CHAC1: variants seen among roughly 807,000 people sequenced by gnomAD.
The protein encoded by CHAC1 is glutathione-specific gamma-glutamylcyclotransferase 1.
CHAC1 carries 22 observed loss-of-function variants against 22.1 expected under a neutral mutation model. The ratio of observed to expected loss-of-function variants is 1.00; its 90% CI spans 0.71 to 1.42. CHAC1 has a LOEUF of 1.42. CHAC1 is among the 40% of genes most tolerant of loss of function. The probability of loss-of-function intolerance (pLI) is 0.00; values close to 1 mark genes in which losing one functional copy is unlikely to be tolerated. For synonymous variants in CHAC1, 145 were observed against 128.7 expected (o/e 1.13, Z -0.86); for missense variants, 272 against 299.2 (o/e 0.91, Z 0.67).
In CHAC1 at chr15:40,953,709, G is replaced by A. The variant is rs1893160610; in HGVS notation, c.126G>A (p.Val42=). ...GGATTTTCGGGTACGGCTCCCTGGT[G>A]TGGAGGCCCGACTTCGCCTACAGCG... ...ALWIFGYGSL[V]WRPDFAYSDS... Residue 42 remains valine, a synonymous_variant, in exon 1 of 3, where the codon GTG becomes GTA. Coordinates refer to ENST00000617768, the MANE Select transcript of CHAC1 (RefSeq NM_024111.6). The A allele has an allele frequency of 6.2e-7, 1 of 1,605,958 alleles. No individual in the cohort carries two copies. Among genetic ancestry groups the A allele is most frequent in the Non-Finnish European group, 8.5e-7 (1 of 1,179,980 alleles).
At position 40,954,218 on chromosome 15, in the gene CHAC1, C is replaced by T; in HGVS notation, c.232-10C>T. On this transcript the variant is annotated splice_polypyrimidine_tract_variant and intron_variant, in intron 1 of 2. Transcript: ENST00000617768. ...ACTTGTCTATTTCAAAATATTTCTT[C>T]CCTCCCTAGCCTGGCCGTGTGGTGA... The T allele has an allele frequency of 6.2e-7, 1 of 1,613,920 alleles. No homozygotes were observed. Among genetic ancestry groups the T allele is most frequent in the Middle Eastern group, 1.7e-4 (1 of 6,028 alleles).
In CHAC1 at chr15:40,955,688, G is replaced by A. The variant is rs1158411342; in HGVS notation, c.583G>A (p.Asp195Asn). ...FMQLCGPQAQ[D>N]EHLAAIVDAV... ...GCAGCTCTGTGGGCCTCAGGCGCAG[G>A]ACGAGCACCTGGCAGCCATCGTGGA... Residue 195 changes from aspartate (D) to asparagine (N), a missense_variant, in exon 3 of 3, where the codon GAC becomes AAC. Physicochemically the swap from Asp to Asn is conservative, Grantham distance 23. Transcript: ENST00000617768. The A allele has an allele frequency of 1.2e-6, 2 of 1,609,852 alleles. No homozygotes were observed. The highest frequency in any genetic ancestry group is 1.1e-5 in the South Asian group (1 of 91,092).
rs1200401766 is a variant in CHAC1 at position 40,956,273 on chromosome 15, TCTC to T, written c.*504_*506del. 6.4e-6 allele frequency: 1 copy of T among 156,400 alleles called. No homozygotes were observed. Among genetic ancestry groups the T allele is most frequent in the South Asian group, 1.9e-4 (1 of 5,134 alleles). The allele number at this position is 156,400 out of a possible 1,614,324, so 9.7% of individuals were successfully genotyped here. On this transcript the variant is annotated 3_prime_UTR_variant, in exon 3 of 3. Coordinates refer to ENST00000617768, the MANE Select transcript of CHAC1 (RefSeq NM_024111.6). The stretch of plus-strand genomic sequence containing the variant: ...AAGGACTGAGGCCCCGGCCAGCCCT[TCTC>T]CTCCACCAGTTCCCCAGAGCAGAGC...
intron 2 of CHAC1, 80 bp downstream of exon 2, chr15:40,954,343 G>T (rs950505701): frequency 4.9e-6 from 7 of 1,430,048 alleles, no homozygotes; most frequent in Admixed American, 1.7e-5. Context: ...GCTCTTGGCT[G>T]CAGGCTAGCT....
Position 40,953,489 on chromosome 15 carries a change from G to A in CHAC1, c.-95G>A, listed in dbSNP as rs779419573. The A allele has an allele frequency of 1.3e-6, 2 of 1,550,412 alleles. No individual in the cohort carries two copies. Among genetic ancestry groups the A allele is most frequent in the South Asian group, 2.4e-5 (2 of 84,648 alleles). ...GGCGCTCAGCTGGAGCTACCGAGCGGTGCCAGGCCAGGTGTGTGCGTCCGT... is the reference window on the plus strand; with the variant it reads ...GGCGCTCAGCTGGAGCTACCGAGCGATGCCAGGCCAGGTGTGTGCGTCCGT... On this transcript the variant is annotated 5_prime_UTR_variant, in exon 1 of 3. It adds an upstream start codon to the 5' untranslated region. Transcript: ENST00000617768.
chr15:40,954,191 T>C (rs749958792), intron 1 of CHAC1, 37 bp from the exon 2 acceptor site: 4 of 1,611,858 alleles, frequency 2.5e-6, no homozygotes, highest in Non-Finnish European at 3.4e-6. Context: ...AGCTGATTTC[T>C]AACTTGTCTA....
At chr15:40,954,069 T>G (rs527273943) in intron 1 of CHAC1, 159 bp from the exon 2 acceptor site, 3 of 764,832 alleles carry the variant, frequency 3.9e-6, no homozygotes, top group Non-Finnish European at 6.6e-6. Flanking sequence ...TTCTCCTACA[T>G]CCGTGCATCG....
chr15:40,953,762 A>T lies in CHAC1; in HGVS notation c.179A>T (p.Tyr60Phe). 6.3e-7 allele frequency: 1 copy of T among 1,599,854 alleles called. No individual in the cohort carries two copies. The highest frequency in any genetic ancestry group is 8.5e-7 in the Non-Finnish European group (1 of 1,179,420). ...AGCCGTGTGGGCTTCGTGCGCGGCT[A>T]CAGCCGCCGTTTCTGGCAGGGAGAC... ...SDSRVGFVRG[Y>F]SRRFWQGDTF... The change falls in exon 1 of 3, where the codon TAC becomes TTC. Residue 60 changes from tyrosine (Y) to phenylalanine (F), a missense_variant. Coordinates refer to ENST00000617768, the MANE Select transcript of CHAC1 (RefSeq NM_024111.6).
At chr15:40,953,917 T>A (rs1443764908) in intron 1 of CHAC1, 103 bp downstream of exon 1, 10 of 849,204 alleles carry the variant, frequency 1.2e-5, no homozygotes, top group African/African-American at 3.4e-5. Flanking sequence ...TAGAAAGAAA[T>A]GTGTAAACCT....
Position 40,954,272 on chromosome 15 carries a change from C to G in CHAC1, c.267+9C>G, listed in dbSNP as rs753016257. The G allele has an allele frequency of 6.2e-7, 1 of 1,613,934 alleles. No homozygotes were observed. The highest frequency in any genetic ancestry group is 8.5e-7 in the Non-Finnish European group (1 of 1,179,958). On this transcript the variant is annotated intron_variant, in intron 2 of 2. Coordinates refer to ENST00000617768, the MANE Select transcript of CHAC1 (RefSeq NM_024111.6). ...TCCTTGAAGATCATGAGGTAAGTGC[C>G]CGAATCATGAAGGGGAACCCTGGCC...
chr15:40,954,301 T>C (rs963100004), intron 2 of CHAC1, 38 bp downstream of exon 2: 1 of 1,608,728 alleles, frequency 6.2e-7, no homozygotes, highest in Non-Finnish European at 8.5e-7. Flanking sequence ...CCTGGCCCAG[T>C]GTGAAGGGGG....
At chr15:40,955,185 G>A (rs2412576) in intron 2 of CHAC1, among the ~76,000 whole-genome samples, 188 bp from the exon 3 acceptor site, 134,698 of 152,236 alleles carry the variant, frequency 0.88, 61,098 homozygotes, top group Non-Finnish European at 0.98. Flanking sequence ...GAGCCACCAC[G>A]CCTGGCCTTT....
intron 2 of CHAC1, 120 bp from the exon 3 acceptor site, chr15:40,955,253 T>A (rs1207394634): frequency 9.2e-7 from 1 of 1,081,482 alleles, no homozygotes; most frequent in East Asian, 2.4e-5. Context: ...AGATGGCTCA[T>A]CAGCCGACCA....
Position 40,955,615 on chromosome 15 carries a change from C to G in CHAC1, c.510C>G (p.Gly170=). Residue 170 remains glycine (G), a synonymous_variant, in exon 3 of 3, where the codon GGC becomes GGG. Transcript: ENST00000617768. Reference sequence around the variant, plus strand: ...CCACGCAGATCCTGGCCTGCCGGGGCTTCTCCGGCCACAACCTTGAATACT... The same window carrying G: ...CCACGCAGATCCTGGCCTGCCGGGGGTTCTCCGGCCACAACCTTGAATACT... ...AIATQILACR[G]FSGHNLEYLL... 2.5e-6 allele frequency: 4 copies of G among 1,613,884 alleles called. No homozygotes were observed. The highest frequency in any genetic ancestry group is 3.4e-6 in the Non-Finnish European group (4 of 1,180,024).
Position 40,955,765 on chromosome 15 carries a change from G to T in CHAC1, c.660G>T (p.Ala220=). 2 of 1,593,898 alleles carry T rather than the reference G, an allele frequency of 1.3e-6. No homozygotes were observed. Among genetic ancestry groups the T allele is most frequent in the Non-Finnish European group, 1.7e-6 (2 of 1,175,824 alleles). ...TCTGCCCCACCGAGCAGGCTCTGGC[G>T]CTGGTGTGAGGGGCTGAGCCCCTGC... ...PCFCPTEQAL[A]LV Residue 220 remains alanine, a synonymous_variant, in exon 3 of 3, where the codon GCG becomes GCT. Coordinates refer to ENST00000617768, the MANE Select transcript of CHAC1 (RefSeq NM_024111.6).
intron 2 of CHAC1, among the ~76,000 whole-genome samples, chr15:40,954,586 TTG>T (rs1311331769): frequency 6.8e-6 from 1 of 146,830 alleles, no homozygotes; most frequent in Non-Finnish European, 1.5e-5. Context: ...TTTTTTTTTT[TTG>T]TTGTTGTTGT....
intron 1 of CHAC1, 89 bp downstream of exon 1, chr15:40,953,903 C>T: frequency 2.0e-6 from 2 of 1,014,008 alleles, no homozygotes; most frequent in East Asian, 2.5e-5. Flanking sequence ...GCTCTCTGGG[C>T]CAATAGAAAG....
chr15:40,954,950 G>A (rs1391604912), intron 2 of CHAC1, among the ~76,000 whole-genome samples: 2 of 139,074 alleles, frequency 1.4e-5, no homozygotes, highest in African/African-American at 5.4e-5. Flanking sequence ...TCTTACCCTT[G>A]TCACCCAGGC....
In CHAC1 at chr15:40,955,754, C is replaced by T. The variant is rs1199767525; in HGVS notation, c.649C>T (p.Gln217Ter). The T allele has an allele frequency of 3.8e-6, 6 of 1,597,014 alleles. No homozygotes were observed. The highest frequency in any genetic ancestry group is 1.7e-5 in the Admixed American group (1 of 59,752). The part of the protein sequence containing the change: ...TMLPCFCPTE[Q>*]ALALV ...GTTGCCCTGCTTCTGCCCCACCGAGCAGGCTCTGGCGCTGGTGTGAGGGGC... is the reference window on the plus strand; with the variant it reads ...GTTGCCCTGCTTCTGCCCCACCGAGTAGGCTCTGGCGCTGGTGTGAGGGGC... Residue 217 changes from glutamine (Q) to a stop codon, truncating the protein, a stop_gained, in exon 3 of 3, where the codon CAG (glutamine) becomes TAG (stop). Transcript: ENST00000617768. LOFTEE classifies it high-confidence loss of function.
Sources: allele counts gnomAD v4.1 joint callset (sites outside exome capture counted in the v4.1 genomes callset), GRCh38; gene constraint gnomAD v4.1.1; transcripts MANE v1.5; gene names NCBI Gene and HGNC (gene_info 2026-07-23, HGNC 2026-07-21).